Variants in KCNN2 observed in about 807,000 individuals in gnomAD.
KCNN2 encodes the protein small conductance calcium-activated potassium channel protein 2.
A neutral mutation model predicts 55.5 loss-of-function variants in KCNN2; 24 were observed. The observed-to-expected ratio is 0.43, with a 90% CI of 0.31 to 0.61. KCNN2 has a LOEUF of 0.61. Ranked by LOEUF, KCNN2 falls within the 20% of genes least tolerant of loss-of-function variation. The pLI, the probability that KCNN2 is intolerant of heterozygous loss-of-function variation, is 0.08. For synonymous variants in KCNN2, 431 were observed against 336.1 expected (o/e 1.28, Z -3.09); for missense variants, 754 against 853.6 (o/e 0.88, Z 1.45).
intron 2 of KCNN2, among the ~76,000 whole-genome samples, chr5:114,336,161 T>G (rs1470010312): frequency 6.6e-6 from 1 of 152,178 alleles, no homozygotes; most frequent in African/African-American, 2.4e-5. Flanking sequence ...AAGTGCTTAA[T>G]GGAAACAAAC....
At chr5:114,109,085 G>A (rs943816483) in intron 1 of KCNN2, among the ~76,000 whole-genome samples, 3 of 152,032 alleles carry the variant, frequency 2.0e-5, no homozygotes, top group African/African-American at 7.2e-5. Context: ...GAAGTCTCAA[G>A]GTGTCACTCA....
chr5:114,154,306 T>C (rs551662268), intron 1 of KCNN2, among the ~76,000 whole-genome samples: 2 of 152,254 alleles, frequency 1.3e-5, no homozygotes, highest in South Asian at 2.1e-4. Flanking sequence ...AAGGAGCTTT[T>C]AGTGAGCACA....
intron 2 of KCNN2, among the ~76,000 whole-genome samples, chr5:114,373,640 T>TTATA (rs61356539): frequency 0.029 from 1,642 of 56,708 alleles, 379 homozygotes; most frequent in Admixed American, 0.033. Flanking sequence ...TATGAAGATT[T>TTATA]TATATATATA....
At chr5:114,268,209 A>T (rs1031273099) in intron 2 of KCNN2, among the ~76,000 whole-genome samples, 1 of 152,198 alleles carries the variant, frequency 6.6e-6, no homozygotes, top group East Asian at 1.9e-4. Flanking sequence ...GTCCAGTCCA[A>T]TGCACCAACT....
intron 2 of KCNN2, among the ~76,000 whole-genome samples, chr5:114,319,705 C>T (rs916591656): frequency 6.6e-6 from 1 of 152,184 alleles, no homozygotes; most frequent in Non-Finnish European, 1.5e-5. Context: ...AATTGCTCCT[C>T]GCTTCTAAAT....
rs146379367 is a variant in KCNN2, at chr5:114,104,610, T to C, written c.-271+48110T>C. ...GATATAAACTAGTTGACAAGACAAG[T>C]TCTAGACCTATGGAAACTTCTCATT... On this transcript the variant is annotated intron_variant, in intron 1 of 10. Coordinates refer to the KCNN2 transcript ENST00000512097. Among the ~76,000 whole-genome samples, 358 of 152,074 alleles carry C rather than the reference T, an allele frequency of 2.4e-3. 2 individuals are homozygous for C. Among genetic ancestry groups the C allele is most frequent in the African/African-American group, 8.4e-3 (349 of 41,482 alleles).
chr5:114,200,753 G>A (rs912258436), intron 1 of KCNN2, among the ~76,000 whole-genome samples: 5 of 151,948 alleles, frequency 3.3e-5, no homozygotes, highest in Admixed American at 6.6e-5. Flanking sequence ...GATAGTTGCC[G>A]TAGTGTGATA....
chr5:114,428,325 A>T (rs1759688056), intron 3 of KCNN2, among the ~76,000 whole-genome samples: 1 of 152,204 alleles, frequency 6.6e-6, no homozygotes, highest in Admixed American at 6.5e-5. Context: ...GTATTAAATG[A>T]ATCTGCTCCA....
rs939453686 is a variant in KCNN2 at position 114,339,228 on chromosome 5, C to T, written c.-184-21717C>T. ...CTGAGGAGTTGTGGCCCTCTACTAC[C>T]ATGTTCGTGAAGGCTGAGGTCTTGT... On this transcript the variant is annotated intron_variant, in intron 2 of 10. Coordinates refer to the KCNN2 transcript ENST00000512097. Among the ~76,000 whole-genome samples, 5 of 152,316 alleles carry T rather than the reference C, an allele frequency of 3.3e-5. No individual in the cohort carries two copies. The East Asian group carries it at 7.7e-4, about 24-fold the overall frequency.
intron 2 of KCNN2, among the ~76,000 whole-genome samples, chr5:114,373,836 G>C (rs1757850472): frequency 6.7e-6 from 1 of 148,524 alleles, no homozygotes. Flanking sequence ...AGAGAGAACA[G>C]GAAAAAAAAA....
At chr5:114,117,717 C>T (rs1751733490) in intron 1 of KCNN2, among the ~76,000 whole-genome samples, 1 of 152,146 alleles carries the variant, frequency 6.6e-6, no homozygotes, top group Non-Finnish European at 1.5e-5. Flanking sequence ...GTGGGAAGAA[C>T]TGCATGACCC....
intron 2 of KCNN2, among the ~76,000 whole-genome samples, chr5:114,227,590 C>G (rs549643151): frequency 6.6e-6 from 1 of 152,138 alleles, no homozygotes; most frequent in Non-Finnish European, 1.5e-5. Context: ...ATCATTGTGC[C>G]TTGCACTTGA....
At chr5:114,195,775 G>A (rs904868642) in intron 1 of KCNN2, among the ~76,000 whole-genome samples, 2 of 152,122 alleles carry the variant, frequency 1.3e-5, no homozygotes, top group African/African-American at 2.4e-5. Flanking sequence ...TAGAAGACAA[G>A]CAACCATTCA....
chr5:114,162,282 G>T (rs1402733819), intron 1 of KCNN2, among the ~76,000 whole-genome samples: 1 of 152,342 alleles, frequency 6.6e-6, no homozygotes, highest in Non-Finnish European at 1.5e-5. Context: ...GACCCTGTTT[G>T]CATGGGTATC....
intron 2 of KCNN2, among the ~76,000 whole-genome samples, chr5:114,249,956 A>G (rs1308242241): frequency 3.3e-5 from 5 of 152,144 alleles, no homozygotes; most frequent in South Asian, 4.1e-4. Context: ...TATGATACGT[A>G]TAACATTCTT....
intron 1 of KCNN2, among the ~76,000 whole-genome samples, chr5:114,104,254 T>C (rs559050016): frequency 2.2e-4 from 34 of 152,060 alleles, no homozygotes; most frequent in African/African-American, 8.2e-4. Context: ...TTGTATTTCT[T>C]TGGGATCAGT....
chr5:114,452,689 G>A (rs142101879), intron 3 of KCNN2, among the ~76,000 whole-genome samples: 16 of 152,174 alleles, frequency 1.1e-4, no homozygotes, highest in East Asian at 1.9e-4. Flanking sequence ...TTACGGATGG[G>A]GCTTTGCACA....
intron 2 of KCNN2, among the ~76,000 whole-genome samples, chr5:114,225,707 T>G (rs1209864151): frequency 6.6e-6 from 1 of 152,066 alleles, no homozygotes; most frequent in African/African-American, 2.4e-5. Flanking sequence ...AAAATCAAAT[T>G]TTTATAAGAC....
intron 1 of KCNN2, among the ~76,000 whole-genome samples, chr5:114,069,530 G>T (rs79600413): frequency 6.6e-6 from 1 of 152,000 alleles, no homozygotes; most frequent in African/African-American, 2.4e-5. Flanking sequence ...TTGCTAATAA[G>T]ATTATAAGGT....
Sources: allele counts gnomAD v4.1 joint callset (sites outside exome capture counted in the v4.1 genomes callset), GRCh38; gene constraint gnomAD v4.1.1; transcripts MANE v1.5; gene names NCBI Gene and HGNC (gene_info 2026-07-23, HGNC 2026-07-21).